Variants in TMCC1 observed in about 807,000 individuals in gnomAD.
The protein encoded by TMCC1 is transmembrane and coiled-coil domains protein 1.
TMCC1 carries 15 observed loss-of-function variants against 52.4 expected under a neutral mutation model. That is an observed-to-expected ratio of 0.29 (90% CI 0.19 to 0.44). TMCC1 has a LOEUF of 0.44. Among genes scored for constraint, TMCC1 ranks in the 20% least tolerant of loss-of-function variants. The pLI is 1.00. For missense variants in TMCC1, 503 were observed against 806.0 expected (o/e 0.62, Z 4.55); for synonymous variants, 279 against 301.9 (o/e 0.92, Z 0.79).
Position 129,690,201 on chromosome 3 carries a change from A to G in TMCC1, c.577-18937T>C, listed in dbSNP as rs539824502. 9.8e-5 allele frequency among the ~76,000 whole-genome samples: 15 copies of G among 152,312 alleles called. No homozygotes were observed. In the South Asian group the frequency reaches 3.1e-3, roughly 32 times the overall value. On this transcript the variant is annotated intron_variant, in intron 4 of 6. Transcript: ENST00000393238. ...ATCAGTTGTGATTTCAATTTGAAGG[A>G]CTCTATAAGAGAATCCATATTTTTT...
rs1006928312 is a variant in TMCC1 at position 129,671,163 on chromosome 3, G to A, written c.678C>T (p.Asp226=). ...IHTDSVDGTP[D]PQRTKAAIAH... Reference sequence around the variant, plus strand: ...CAATGGCAGCCTTTGTGCGCTGAGGGTCTGGTGTTCCATCCACAGAGTCTG... The same window carrying A: ...CAATGGCAGCCTTTGTGCGCTGAGGATCTGGTGTTCCATCCACAGAGTCTG... Residue 226 remains aspartate (D), a synonymous_variant, in exon 5 of 7, where the codon GAC becomes GAT. Coordinates refer to ENST00000393238, the MANE Select transcript of TMCC1 (RefSeq NM_001017395.5). The A allele has an allele frequency of 6.2e-7, 1 of 1,614,168 alleles. No individual in the cohort carries two copies.
intron 4 of TMCC1, among the ~76,000 whole-genome samples, chr3:129,802,920 A>C (rs1234709580): frequency 3.9e-5 from 6 of 152,222 alleles, no homozygotes; most frequent in African/African-American, 1.4e-4. Context: ...TTTAAAAAGA[A>C]ATTTATTTAC....
chr3:129,722,777 C>A (rs2107597291), intron 4 of TMCC1, among the ~76,000 whole-genome samples: 1 of 152,184 alleles, frequency 6.6e-6, no homozygotes, highest in South Asian at 2.1e-4. Context: ...CCTTTTATAA[C>A]CTCAGAACAA....
chr3:129,717,506 C>A (rs2049198442), intron 4 of TMCC1, among the ~76,000 whole-genome samples: 2 of 152,156 alleles, frequency 1.3e-5, no homozygotes, highest in African/African-American at 4.8e-5. Flanking sequence ...AAAAATGTCA[C>A]TTACCTATTC....
chr3:129,669,223 A>C (rs989997229), intron 5 of TMCC1, among the ~76,000 whole-genome samples: 1 of 152,224 alleles, frequency 6.6e-6, no homozygotes, highest in Non-Finnish European at 1.5e-5. Context: ...CATTTTTAAA[A>C]GGTGAAAAGG....
At chr3:129,765,692 G>C (rs2054066721) in intron 4 of TMCC1, among the ~76,000 whole-genome samples, 1 of 152,102 alleles carries the variant, frequency 6.6e-6, no homozygotes, top group Non-Finnish European at 1.5e-5. Flanking sequence ...CAGTGGTAGA[G>C]CAACCTCTAC....
chr3:129,700,266 G>A (rs1459887620), intron 4 of TMCC1, among the ~76,000 whole-genome samples: 2 of 151,392 alleles, frequency 1.3e-5, no homozygotes. Flanking sequence ...TAAATAAATC[G>A]GCATATTGCT....
At position 129,828,652 on chromosome 3, in the gene TMCC1, G is replaced by A. The variant is rs2058763682; in HGVS notation, c.-130-144C>T. 2.8e-6 allele frequency: 1 copy of A among 355,080 alleles called. No homozygotes were observed. Among genetic ancestry groups the A allele is most frequent in the Non-Finnish European group, 5.1e-6 (1 of 197,762 alleles). The allele number at this position is 355,080 out of a possible 1,614,324, so 22.0% of individuals were successfully genotyped here. On this transcript the variant is annotated intron_variant, in intron 3 of 6. Coordinates refer to ENST00000393238, the MANE Select transcript of TMCC1 (RefSeq NM_001017395.5). This position sits in a 1 kb window ranked among gnomAD's most constrained non-coding sequence, Gnocchi z 4.1. ...ATCATTAAGCAATCTTTAATCAGAAGATTAAAAGACAGTTTTCTAGATAGT... is the reference window on the plus strand; with the variant it reads ...ATCATTAAGCAATCTTTAATCAGAAAATTAAAAGACAGTTTTCTAGATAGT...
At chr3:129,718,864 AGGCTCTGGTCAGCAATAG>A (rs1478595264) in intron 4 of TMCC1, among the ~76,000 whole-genome samples, 17 of 152,312 alleles carry the variant, frequency 1.1e-4, no homozygotes, top group East Asian at 5.8e-4. Flanking sequence ...GTTATTGATA[AGGCTCTGGTCAGCAATAG>A]ACTGTTAGTT....
At chr3:129,740,777 C>G (rs1040142452) in intron 4 of TMCC1, among the ~76,000 whole-genome samples, 5 of 152,114 alleles carry the variant, frequency 3.3e-5, no homozygotes, top group Admixed American at 3.3e-4. Flanking sequence ...CCACTGTTCC[C>G]CATTGTGACT....
intron 2 of TMCC1, among the ~76,000 whole-genome samples, chr3:129,876,692 C>T (rs192888912): frequency 1.2e-4 from 19 of 152,166 alleles, no homozygotes; most frequent in Non-Finnish European, 2.6e-4. Flanking sequence ...CGGTGGCTCA[C>T]GCCTGTAATC....
At chr3:129,672,285 C>G (rs1392120952) in intron 4 of TMCC1, among the ~76,000 whole-genome samples, 2 of 151,926 alleles carry the variant, frequency 1.3e-5, no homozygotes, top group East Asian at 3.9e-4. Context: ...TTGAATAGGT[C>G]CCAAAGAAGA....
rs945347137 is a variant in TMCC1, at chr3:129,734,768, T to C, written c.577-63504A>G. ...TTGTCTCTGAAGAAGCGGAATGGAT[T>C]GAGGAATGGTACACAAAAAAATGAA... On this transcript the variant is annotated intron_variant, in intron 4 of 6. Coordinates refer to ENST00000393238, the MANE Select transcript of TMCC1 (RefSeq NM_001017395.5). Among the ~76,000 whole-genome samples the C allele has an allele frequency of 3.3e-5, 5 of 152,342 alleles. No individual in the cohort carries two copies. The South Asian group carries it at 1.0e-3, about 32-fold the overall frequency.
At chr3:129,873,752 T>TAC (rs1178354604) in intron 2 of TMCC1, among the ~76,000 whole-genome samples, 3 of 152,226 alleles carry the variant, frequency 2.0e-5, no homozygotes, top group African/African-American at 7.2e-5. Context: ...AGCATACGGT[T>TAC]AATCCCTGGT....
At chr3:129,830,201 A>G (rs769861988) in intron 3 of TMCC1, among the ~76,000 whole-genome samples, 4 of 152,178 alleles carry the variant, frequency 2.6e-5, no homozygotes, top group East Asian at 1.9e-4. Context: ...GGTTTTGTTC[A>G]TATCTTTCCC....
chr3:129,681,905 C>CA (rs1332029665), intron 4 of TMCC1, among the ~76,000 whole-genome samples: 181 of 70,128 alleles, frequency 2.6e-3, no homozygotes, highest in Middle Eastern at 0.01. Flanking sequence ...GACTTCGTCT[C>CA]AAAAAAAAAA....
intron 4 of TMCC1, among the ~76,000 whole-genome samples, chr3:129,708,561 C>A (rs1232196128): frequency 1.3e-5 from 2 of 152,148 alleles, no homozygotes; most frequent in East Asian, 3.8e-4. Flanking sequence ...TTTCATTTAT[C>A]TAGATTCCAA....
chr3:129,704,053 G>T (rs2108979622), intron 4 of TMCC1, among the ~76,000 whole-genome samples: 1 of 152,316 alleles, frequency 6.6e-6, no homozygotes, highest in Middle Eastern at 3.4e-3. Context: ...TTCTGAAGGA[G>T]AAACCAGTAA....
At chr3:129,676,660 G>A (rs1014148396) in intron 4 of TMCC1, among the ~76,000 whole-genome samples, 10 of 152,152 alleles carry the variant, frequency 6.6e-5, no homozygotes, top group Non-Finnish European at 1.3e-4. Flanking sequence ...CCAGCTTTGA[G>A]AATAATCACG....
Sources: allele counts gnomAD v4.1 joint callset (sites outside exome capture counted in the v4.1 genomes callset), GRCh38; gene constraint gnomAD v4.1.1; non-coding constraint Gnocchi (gnomAD v3.1); transcripts MANE v1.5; gene names NCBI Gene and HGNC (gene_info 2026-07-23, HGNC 2026-07-21).